The following FADS6 variants were observed in gnomAD, a reference collection of about 807,000 sequenced individuals.
FADS6 encodes fatty acid desaturase domain family, member 6.
Under a neutral mutation model 31.7 loss-of-function variants are expected in FADS6, and 28 were observed. That is an observed-to-expected ratio of 0.88 (90% CI 0.66 to 1.21). FADS6 has a LOEUF of 1.21. Among genes scored for constraint, FADS6 ranks in the 50% most tolerant of loss-of-function variants. FADS6 has a pLI of 0.00. For synonymous variants in FADS6, 191 were observed against 213.1 expected (o/e 0.90, Z 0.90); for missense variants, 494 against 504.2 (o/e 0.98, Z 0.19).
At chr17:74,888,907 G>A (rs963092133) in intron 2 of FADS6, among the ~76,000 whole-genome samples, 1 of 152,214 alleles carries the variant, frequency 6.6e-6, no homozygotes, top group African/African-American at 2.4e-5. Context: ...GGCAGTCCCT[G>A]AGAATACGCC....
chr17:74,880,583 A>T (rs1043086591), intron 4 of FADS6, among the ~76,000 whole-genome samples: 1 of 152,036 alleles, frequency 6.6e-6, no homozygotes, highest in Non-Finnish European at 1.5e-5. Context: ...ACCTCAGGTG[A>T]TCCACCCACC....
At position 74,883,289 on chromosome 17, in the gene FADS6, G is replaced by A. The variant is rs533989802; in HGVS notation, c.412-579C>T. Among the ~76,000 whole-genome samples, 5 of 152,260 alleles carry A rather than the reference G, an allele frequency of 3.3e-5. No individual in the cohort carries two copies. The East Asian group carries it at 7.7e-4, about 23-fold the overall frequency. ...ATCCCCAGTGGGATTCTCGGAAGCC[G>A]CTCTGAGCAGCAGCACGTGCGCTCT... On this transcript the variant is annotated intron_variant, in intron 2 of 5. Coordinates refer to ENST00000612771, the MANE Select transcript of FADS6 (RefSeq NM_178128.6).
chr17:74,878,474 T>A lies in FADS6; in HGVS notation c.964A>T (p.Lys322Ter), dbSNP rs1447501499. The A allele has an allele frequency of 6.2e-7, 1 of 1,613,698 alleles. No homozygotes were observed. The highest frequency in any genetic ancestry group is 8.5e-7 in the Non-Finnish European group (1 of 1,179,768). ...RLSDNMCLKV[K>*]PVVSQFLREK... ...CGTAGGAACTGGGACACCACGGGCTTCACCTGGTGGAAGATGGGCAGGAGA... is the reference window on the plus strand; with the variant it reads ...CGTAGGAACTGGGACACCACGGGCTACACCTGGTGGAAGATGGGCAGGAGA... Residue 322 changes from lysine to a stop codon, truncating the protein, a stop_gained, in exon 6 of 6, where the codon AAG (lysine) becomes TAG (stop). Transcript: ENST00000612771. LOFTEE classifies it high-confidence loss of function.
In FADS6 at chr17:74,878,568, AC is replaced by A. The variant is rs1474281563; in HGVS notation, c.961-92del. ...GGGGAGGGAGGGACATCATCTTCCC[AC>A]CCCCAGTTCCTATCGGCCTTGTTCC... is the stretch of plus-strand genomic sequence containing the variant. On this transcript the variant is annotated intron_variant, in intron 5 of 5. Coordinates refer to ENST00000612771, the MANE Select transcript of FADS6 (RefSeq NM_178128.6). The A allele has an allele frequency of 1.2e-5, 18 of 1,466,302 alleles. No individual in the cohort carries two copies. In the East Asian group the frequency reaches 2.1e-4, roughly 17 times the overall value. 90.8% of individuals were successfully genotyped at this position (1,466,302 alleles called of 1,614,324 possible).
chr17:74,875,518 T>C (rs1015403455), downstream of FADS6, among the ~76,000 whole-genome samples: 1 of 152,236 alleles, frequency 6.6e-6, no homozygotes, highest in Non-Finnish European at 1.5e-5. Flanking sequence ...GTTCCCATGA[T>C]ACCCATGGTA....
chr17:74,883,858 G>A (rs2038598015), intron 2 of FADS6, among the ~76,000 whole-genome samples: 1 of 152,096 alleles, frequency 6.6e-6, no homozygotes, highest in African/African-American at 2.4e-5. Flanking sequence ...AGTAGAGACA[G>A]GGTTTCACCA....
downstream of FADS6, among the ~76,000 whole-genome samples, chr17:74,875,328 C>T (rs1254099452): frequency 2.0e-5 from 3 of 152,198 alleles, no homozygotes; most frequent in Non-Finnish European, 4.4e-5. Flanking sequence ...CTATTATTAT[C>T]ATCATCCATA....
At chr17:74,891,071 CCTCTAGGCTCCTGGTACT>C (rs2038682980) in intron 2 of FADS6, among the ~76,000 whole-genome samples, 1 of 151,978 alleles carries the variant, frequency 6.6e-6, no homozygotes, top group Non-Finnish European at 1.5e-5. Context: ...TCCTCAGCTG[CCTCTAGGCTCCTGGTACT>C]CAGTACAGCT....
intron 2 of FADS6, among the ~76,000 whole-genome samples, chr17:74,884,048 T>C (rs56251818): frequency 0.018 from 2,794 of 152,186 alleles, 76 homozygotes; most frequent in African/African-American, 0.063. Context: ...GCTAGGCCTG[T>C]GGGGTTCCCA....
chr17:74,892,051 G>A (rs569355643), intron 2 of FADS6, among the ~76,000 whole-genome samples: 24 of 152,330 alleles, frequency 1.6e-4, no homozygotes, highest in African/African-American at 5.8e-4. Flanking sequence ...TGGAAGAAGG[G>A]AGGGCAAGGG....
At chr17:74,883,481 A>T (rs1256018437) in intron 2 of FADS6, among the ~76,000 whole-genome samples, 1 of 152,138 alleles carries the variant, frequency 6.6e-6, no homozygotes, top group African/African-American at 2.4e-5. Context: ...GAACGACGTG[A>T]AAAGTTTCCC....
rs1193649270 is a variant in FADS6, at chr17:74,879,459, C to G, written c.905G>C (p.Ser302Thr). 6.8e-6 allele frequency: 11 copies of G among 1,613,870 alleles called. No homozygotes were observed. Among genetic ancestry groups the G allele is most frequent in the Non-Finnish European group, 9.3e-6 (11 of 1,179,910 alleles). The change falls in exon 5 of 6, where the codon AGC becomes ACC. Residue 302 changes from serine to threonine, a missense_variant. Physicochemically the swap from Ser to Thr is moderately conservative, Grantham distance 58 (BLOSUM62 1). Around this residue, in one of 2 missense-constraint regions of FADS6, gnomAD observed 454 missense variants for 438.5 expected, o/e 1.04. Coordinates refer to ENST00000612771, the MANE Select transcript of FADS6 (RefSeq NM_178128.6). ...LDWAFGHSII[S>T]CHVEHHLFPR... ...GAATAGATGGTGTTCCACATGGCAG[C>G]TGATGATCGAGTGGCCGAACGCCCA...
chr17:74,879,573 A>T lies in FADS6; in HGVS notation c.791T>A (p.Leu264Gln). 1 of 1,611,994 alleles carries T rather than the reference A, an allele frequency of 6.2e-7. No individual in the cohort carries two copies. Among genetic ancestry groups the T allele is most frequent in the East Asian group, 2.2e-5 (1 of 44,880 alleles). ...CTTGTTGTCCCGGGAGAACATGGGC[A>T]GTCCGATGTGCTGTGACAGACACGT... ...LHVNIFQHIGLPMFSRDNKPR... is the reference protein window; with the variant it reads ...LHVNIFQHIGQPMFSRDNKPR... Residue 264 changes from leucine to glutamine, a missense_variant, in exon 5 of 6, where the codon CTG (leucine) becomes CAG (glutamine). Around this residue, in one of 2 missense-constraint regions of FADS6, gnomAD observed 454 missense variants for 438.5 expected, o/e 1.04. Transcript: ENST00000612771.
intron 3 of FADS6, 62 bp downstream of exon 3, chr17:74,882,468 G>A (rs1157103902): frequency 5.9e-6 from 9 of 1,518,142 alleles, no homozygotes; most frequent in East Asian, 2.4e-5. Context: ...CCACGCAGGG[G>A]AGGAGAGCAG....
At chr17:74,884,298 C>A (rs112122844) in intron 2 of FADS6, among the ~76,000 whole-genome samples, 1 of 152,182 alleles carries the variant, frequency 6.6e-6, no homozygotes, top group Non-Finnish European at 1.5e-5. Context: ...GAGACTTGTA[C>A]GCTCCCTGAG....
intron 2 of FADS6, among the ~76,000 whole-genome samples, chr17:74,889,445 G>T (rs141749033): frequency 6.6e-6 from 1 of 152,016 alleles, no homozygotes; most frequent in East Asian, 1.9e-4. Flanking sequence ...CATCAAGAAC[G>T]TGTCCTCTGC....
chr17:74,887,706 A>G (rs2038637953), intron 2 of FADS6, among the ~76,000 whole-genome samples: 1 of 152,204 alleles, frequency 6.6e-6, no homozygotes, highest in Non-Finnish European at 1.5e-5. Flanking sequence ...ATTATTTTTA[A>G]GATGGAGTCT....
chr17:74,884,842 G>A (rs527521198), intron 2 of FADS6, among the ~76,000 whole-genome samples: 2 of 152,054 alleles, frequency 1.3e-5, no homozygotes, highest in African/African-American at 4.8e-5. Context: ...TGAGTAGCTG[G>A]GATTATAGTC....
chr17:74,879,731 G>A (rs141526224), intron 4 of FADS6, 148 bp from the exon 5 acceptor site: 44 of 777,834 alleles, frequency 5.7e-5, no homozygotes, highest in Middle Eastern at 7.7e-4. Flanking sequence ...GCCCAGCTCC[G>A]ATGATGACCC....
Sources: allele counts gnomAD v4.1 joint callset (sites outside exome capture counted in the v4.1 genomes callset), GRCh38; gene constraint gnomAD v4.1.1; regional missense constraint gnomAD v4.1.1; transcripts MANE v1.5; gene names NCBI Gene and HGNC (gene_info 2026-07-23, HGNC 2026-07-21).